Variants in TAB2 observed in about 807,000 individuals in gnomAD.
The protein encoded by TAB2 is TGF-beta-activated kinase 1 and MAP3K7-binding protein 2.
Under a neutral mutation model 65.0 loss-of-function variants are expected in TAB2, and 3 were observed. The observed-to-expected ratio is 0.05, with a 90% CI of 0.02 to 0.12. TAB2 has a LOEUF of 0.12. TAB2 is among the 10% of genes least tolerant of loss of function. The pLI is 1.00. For synonymous variants in TAB2, 298 were observed against 285.1 expected, an observed-to-expected ratio of 1.05 and a Z score of -0.46; for missense variants, 623 against 840.3, an observed-to-expected ratio of 0.74 and a Z score of 3.20.
chr6:149,352,621 C>A (rs1329391465), intron 1 of TAB2, among the ~76,000 whole-genome samples: 1 of 152,132 alleles, frequency 6.6e-6, no homozygotes, highest in African/African-American at 2.4e-5. Context: ...TGACCATAGT[C>A]ATCTTGGTTT....
At chr6:149,249,449 T>C (rs984416151) in intron 1 of TAB2, among the ~76,000 whole-genome samples, 1 of 152,148 alleles carries the variant, frequency 6.6e-6, no homozygotes, top group Admixed American at 6.5e-5. Flanking sequence ...TCTCTGTCTC[T>C]CTCTGTCTCT....
chr6:149,277,957 A>G (rs1778506901), intron 1 of TAB2, among the ~76,000 whole-genome samples: 1 of 109,666 alleles, frequency 9.1e-6, no homozygotes, highest in Non-Finnish European at 1.7e-5. Flanking sequence ...CACTTTTCAA[A>G]AACATATTAA....
intron 1 of TAB2, among the ~76,000 whole-genome samples, chr6:149,318,256 G>A (rs1583083049): frequency 6.9e-6 from 1 of 144,048 alleles, no homozygotes; most frequent in South Asian, 2.3e-4. Context: ...CCGGGCCTGG[G>A]CTCCGGGGCG....
At chr6:149,406,209 T>A (rs2789489) in intron 6 of TAB2, among the ~76,000 whole-genome samples, 18,601 of 152,264 alleles carry the variant, frequency 0.12, 1,741 homozygotes, top group East Asian at 0.51. Flanking sequence ...CATATGTTTG[T>A]ATTTTCAAAT....
chr6:149,331,959 A>C (rs1779797497), intron 1 of TAB2, among the ~76,000 whole-genome samples: 1 of 152,192 alleles, frequency 6.6e-6, no homozygotes, highest in African/African-American at 2.4e-5. Flanking sequence ...GGACAGTAAT[A>C]GGAAAGGGTG....
chr6:149,277,338 A>G (rs1778494688), intron 1 of TAB2, among the ~76,000 whole-genome samples: 2 of 152,208 alleles, frequency 1.3e-5, no homozygotes, highest in African/African-American at 4.8e-5. Context: ...ATGAAATACC[A>G]TGTGGCTATT....
chr6:149,299,166 A>G (rs73781730), intron 1 of TAB2, among the ~76,000 whole-genome samples: 1 of 152,260 alleles, frequency 6.6e-6, no homozygotes, highest in Non-Finnish European at 1.5e-5. Flanking sequence ...GCCTGATTTT[A>G]GTAGAAAATT....
chr6:149,277,788 A>G (rs1778503786), intron 1 of TAB2, among the ~76,000 whole-genome samples: 1 of 152,230 alleles, frequency 6.6e-6, no homozygotes, highest in South Asian at 2.1e-4. Flanking sequence ...TCTATTAGTC[A>G]TTACATTTTC....
chr6:149,249,490 GTCTCTTTCTC>G (rs1777814005), intron 1 of TAB2, among the ~76,000 whole-genome samples: 1 of 150,266 alleles, frequency 6.7e-6, no homozygotes, highest in African/African-American at 2.5e-5. Flanking sequence ...GTCTCTCTCT[GTCTCTTTCTC>G]TCTATCTCTG....
chr6:149,273,469 C>T (rs906496347), intron 1 of TAB2, among the ~76,000 whole-genome samples: 4 of 152,182 alleles, frequency 2.6e-5, no homozygotes, highest in African/African-American at 9.7e-5. Context: ...AGGATCTGTC[C>T]ACCAAGTGAG....
chr6:149,343,745 G>C (rs935386), intron 1 of TAB2, among the ~76,000 whole-genome samples: 5,077 of 152,150 alleles, frequency 0.033, 291 homozygotes, highest in African/African-American at 0.12. Context: ...CCAAGAGAAA[G>C]CTACTCATGA....
chr6:149,377,017 GA>G (rs1451861142), intron 2 of TAB2, among the ~76,000 whole-genome samples: 2 of 151,234 alleles, frequency 1.3e-5, no homozygotes, highest in East Asian at 3.9e-4. Context: ...GCGTGTGAAG[GA>G]TTGAGATGAC....
intron 1 of TAB2, among the ~76,000 whole-genome samples, chr6:149,289,649 T>G (rs1467138572): frequency 2.0e-5 from 3 of 152,138 alleles, no homozygotes; most frequent in African/African-American, 4.8e-5. Context: ...ACTACACACC[T>G]CACTGCTGTT....
intron 1 of TAB2, among the ~76,000 whole-genome samples, chr6:149,245,895 G>A (rs571746276): frequency 2.0e-5 from 3 of 151,714 alleles, no homozygotes; most frequent in Admixed American, 6.6e-5. Flanking sequence ...CCTCCTCTGC[G>A]TTTACACTTT....
chr6:149,353,499 CTT>C (rs997657007), intron 1 of TAB2, among the ~76,000 whole-genome samples: 1 of 152,144 alleles, frequency 6.6e-6, no homozygotes, highest in Non-Finnish European at 1.5e-5. Flanking sequence ...GAAACACTAA[CTT>C]AGTGCTAGCA....
At chr6:149,287,970 C>T (rs570475217) in intron 1 of TAB2, among the ~76,000 whole-genome samples, 2 of 152,214 alleles carry the variant, frequency 1.3e-5, no homozygotes, top group South Asian at 2.1e-4. Context: ...TGTTTAAATT[C>T]GATCATAAAA....
intron 3 of TAB2, chr6:149,380,032 G>A (rs1049859482): frequency 2.5e-5 from 11 of 438,878 alleles, no homozygotes; most frequent in African/African-American, 1.0e-4. Context: ...TTGAGCCCAG[G>A]AGTTTGAGAC....
chr6:149,400,462 G>A (rs1252136106), intron 6 of TAB2: 2 of 1,614,240 alleles, frequency 1.2e-6, no homozygotes, highest in African/African-American at 2.7e-5. Flanking sequence ...AAGGTGGCGG[G>A]ACAGGATGGT....
At chr6:149,314,197 A>C (rs1367841229), upstream of TAB2, among the ~76,000 whole-genome samples, 2 of 152,246 alleles carry the variant, frequency 1.3e-5, no homozygotes, top group South Asian at 2.1e-4. Flanking sequence ...ACTCTTCATT[A>C]TCTCTCATTT....
Sources: allele counts gnomAD v4.1 joint callset (sites outside exome capture counted in the v4.1 genomes callset), GRCh38; gene constraint gnomAD v4.1.1; transcripts MANE v1.5; gene names NCBI Gene and HGNC (gene_info 2026-07-23, HGNC 2026-07-21).